Variants in GCNT1 observed in about 807,000 individuals in gnomAD.
GCNT1 encodes the protein glucosaminyl (N-acetyl) transferase 1.
In GCNT1, 16 loss-of-function variants were observed where a neutral mutation model predicts 26.2. That is an observed-to-expected ratio of 0.61 (90% CI 0.41 to 0.93). The LOEUF is 0.93. Among genes scored for constraint, GCNT1 ranks in the 40% least tolerant of loss-of-function variants. The probability of loss-of-function intolerance (pLI) is 0.00; values close to 1 mark genes in which losing one functional copy is unlikely to be tolerated. For missense variants in GCNT1, 477 were observed against 526.7 expected (o/e 0.91, Z 0.92); for synonymous variants, 183 against 190.8 (o/e 0.96, Z 0.34).
chr9:76,503,458 T>C lies in GCNT1; in HGVS notation c.1077T>C (p.Phe359=). Residue 359 remains phenylalanine (F), a synonymous_variant, in exon 4 of 4, where the codon TTT becomes TTC. Transcript: ENST00000376730. The part of the protein sequence containing the change: ...AVARFVKWQY[F]EGDVSKGAPY... Reference sequence around the variant, plus strand: ...CCAGGTTTGTCAAGTGGCAGTACTTTGAGGGTGATGTTTCCAAGGGTGCTC... The same window carrying C: ...CCAGGTTTGTCAAGTGGCAGTACTTCGAGGGTGATGTTTCCAAGGGTGCTC... 6.2e-7 allele frequency: 1 copy of C among 1,614,118 alleles called. No homozygotes were observed. The highest frequency in any genetic ancestry group is 8.5e-7 in the Non-Finnish European group (1 of 1,180,000).
In GCNT1 at chr9:76,436,490, G is replaced by A. The variant is rs1276780398; in HGVS notation, n.38+16603G>A. 2.0e-5 allele frequency among the ~76,000 whole-genome samples: 3 copies of A among 150,940 alleles called. No homozygotes were observed. The East Asian group carries it at 5.9e-4, about 30-fold the overall frequency. On this transcript the variant is annotated intron_variant and non_coding_transcript_variant, in intron 1 of 3. Coordinates refer to the GCNT1 transcript ENST00000488136. ...GCCTGTAATCCCAAGTACTCCAGAG[G>A]CTGAGGCAAAAGAATCACTTGACCC... is the stretch of plus-strand genomic sequence containing the variant.
chr9:76,482,204 T>C (rs1264115837), intron 2 of GCNT1, among the ~76,000 whole-genome samples: 2 of 151,206 alleles, frequency 1.3e-5, no homozygotes. Context: ...CAACAAAGAG[T>C]TGTACTTACG....
At chr9:76,472,417 G>A (rs1008789618) in intron 2 of GCNT1, among the ~76,000 whole-genome samples, 7 of 152,198 alleles carry the variant, frequency 4.6e-5, no homozygotes, top group East Asian at 1.9e-4. Flanking sequence ...GCAGTAGAGC[G>A]TGAAAGAACA....
At chr9:76,398,565 T>C in the GCNT1 span, 1 of 662,484 alleles carries the variant, frequency 1.5e-6, no homozygotes, top group Non-Finnish European at 2.7e-6. Context: ...TGTGCTCACT[T>C]ATATTTAATC....
the GCNT1 span, among the ~76,000 whole-genome samples, chr9:76,411,631 T>C: frequency 2.6e-5 from 4 of 151,830 alleles, no homozygotes; most frequent in Non-Finnish European, 4.4e-5. Flanking sequence ...ACTCAGCCCA[T>C]TTGTGATTTT....
At chr9:76,404,203 G>A in the GCNT1 span, among the ~76,000 whole-genome samples, 1 of 152,016 alleles carries the variant, frequency 6.6e-6, no homozygotes, top group Non-Finnish European at 1.5e-5. Context: ...AATTATTTCA[G>A]TTTGTCTTCA....
At chr9:76,500,131 T>C (rs1825024847) in intron 2 of GCNT1, among the ~76,000 whole-genome samples, 1 of 147,254 alleles carries the variant, frequency 6.8e-6, no homozygotes, top group Non-Finnish European at 1.5e-5. Flanking sequence ...TTTCTTTGCA[T>C]GCCTTGTAAT....
Position 76,460,187 on chromosome 9 carries a change from G to C in GCNT1, c.-290+10G>C. ...GACCGCCTAGGCCGAGGTAGGTTCTGTAGGCACCTGGCATGCTGTAGATGC... is the reference window on the plus strand; with the variant it reads ...GACCGCCTAGGCCGAGGTAGGTTCTCTAGGCACCTGGCATGCTGTAGATGC... On this transcript the variant is annotated intron_variant, in intron 2 of 3. Transcript: ENST00000376730. 6.6e-6 allele frequency: 1 copy of C among 152,256 alleles called. No individual in the cohort carries two copies. Among genetic ancestry groups the C allele is most frequent in the South Asian group, 2.1e-4 (1 of 4,834 alleles). 9.4% of individuals were successfully genotyped at this position (152,256 alleles called of 1,614,324 possible). A position where few individuals can be genotyped will look rare whatever the true frequency, so the allele number is the denominator to read the frequency against.
chr9:76,485,500 T>C (rs146072373), intron 2 of GCNT1, among the ~76,000 whole-genome samples: 1 of 152,264 alleles, frequency 6.6e-6, no homozygotes, highest in East Asian at 1.9e-4. Context: ...ATTTTACTTA[T>C]TTAATTCTGA....
At chr9:76,469,723 C>T (rs531874359) in intron 2 of GCNT1, among the ~76,000 whole-genome samples, 11 of 152,208 alleles carry the variant, frequency 7.2e-5, no homozygotes, top group Non-Finnish European at 7.3e-5. Context: ...CGCTCCCGAT[C>T]GGGCTAAAGG....
intron 2 of GCNT1, among the ~76,000 whole-genome samples, chr9:76,491,836 G>A (rs1824746215): frequency 6.6e-6 from 1 of 152,174 alleles, no homozygotes; most frequent in African/African-American, 2.4e-5. Flanking sequence ...TTGAAGCACC[G>A]GTCCCTCAAG....
intron 2 of GCNT1, among the ~76,000 whole-genome samples, chr9:76,467,466 A>G (rs1049151698): frequency 3.9e-5 from 6 of 151,912 alleles, no homozygotes; most frequent in African/African-American, 1.2e-4. Context: ...GGTGTTGGCT[A>G]TACATTAGGA....
chr9:76,472,877 T>A (rs1274769409), intron 2 of GCNT1, among the ~76,000 whole-genome samples: 1 of 151,082 alleles, frequency 6.6e-6, no homozygotes, highest in Admixed American at 6.6e-5. Flanking sequence ...TATTCCGGAG[T>A]AGCTGGGATT....
the GCNT1 span, among the ~76,000 whole-genome samples, chr9:76,410,976 T>C: frequency 7.9e-5 from 12 of 152,360 alleles, no homozygotes; most frequent in African/African-American, 2.9e-4. Flanking sequence ...CTTACTCTGA[T>C]GTCTGCTCTG....
chr9:76,436,250 G>T (rs1823408008), intron 1 of GCNT1, among the ~76,000 whole-genome samples: 1 of 151,956 alleles, frequency 6.6e-6, no homozygotes. Context: ...TTAGGATAGG[G>T]TTGTCCAAAG....
the GCNT1 span, among the ~76,000 whole-genome samples, chr9:76,396,061 G>A: frequency 3.3e-5 from 5 of 152,192 alleles, no homozygotes; most frequent in Non-Finnish European, 5.9e-5. Flanking sequence ...CATCAGCAGT[G>A]ATACACCTAA....
chr9:76,395,375 G>T, the GCNT1 span, among the ~76,000 whole-genome samples: 7 of 151,970 alleles, frequency 4.6e-5, no homozygotes, highest in Admixed American at 1.3e-4. Context: ...AGACCGTGTA[G>T]TCTCTTTCTA....
rs12340744 is a variant in GCNT1 at position 76,505,382 on chromosome 9, C to T, written c.*1714C>T. On this transcript the variant is annotated 3_prime_UTR_variant, in exon 4 of 4. Transcript: ENST00000376730. ...AGTCTGTTGGAGCAAGAGGAACATGCTTGTTTTGAAAACTCGAGATGATGA... is the reference window on the plus strand; with the variant it reads ...AGTCTGTTGGAGCAAGAGGAACATGTTTGTTTTGAAAACTCGAGATGATGA... 2,964 of 168,052 alleles carry T rather than the reference C, an allele frequency of 0.018. 103 individuals carry two copies. Among genetic ancestry groups the T allele is most frequent in the African/African-American group, 0.067 (2,801 of 41,590 alleles). The allele number at this position is 168,052 out of a possible 1,614,324, so 10.4% of individuals were successfully genotyped here. A position where few individuals can be genotyped will look rare whatever the true frequency, so the allele number is the denominator to read the frequency against.
chr9:76,406,289 G>A, the GCNT1 span, among the ~76,000 whole-genome samples: 1 of 152,100 alleles, frequency 6.6e-6, no homozygotes, highest in Admixed American at 6.6e-5. Flanking sequence ...GAGCCCAGGA[G>A]TTCAAGACAG....
Sources: allele counts gnomAD v4.1 joint callset (sites outside exome capture counted in the v4.1 genomes callset), GRCh38; gene constraint gnomAD v4.1.1; transcripts MANE v1.5; gene names NCBI Gene and HGNC (gene_info 2026-07-23, HGNC 2026-07-21).